Variants in RIMS1 observed in about 807,000 individuals in gnomAD.
RIMS1 encodes the protein regulating synaptic membrane exocytosis protein 1.
A neutral mutation model predicts 214.1 loss-of-function variants in RIMS1; 83 were observed. The observed-to-expected ratio is 0.39, with a 90% CI of 0.32 to 0.47. The LOEUF (loss-of-function observed/expected upper bound fraction) is 0.47, where lower values mean the gene tolerates loss of function less well. RIMS1 is among the 20% of genes least tolerant of loss of function. RIMS1 has a pLI of 0.99. For synonymous variants in RIMS1, 793 were observed against 786.8 expected, an observed-to-expected ratio of 1.01 and a Z score of -0.13; for missense variants, 2,050 against 2,161.8, an observed-to-expected ratio of 0.95 and a Z score of 1.03.
At chr6:71,918,059 G>A (rs1390828005) in intron 1 of RIMS1, among the ~76,000 whole-genome samples, 1 of 152,150 alleles carries the variant, frequency 6.6e-6, no homozygotes, top group Non-Finnish European at 1.5e-5. Context: ...TTCAAGTTGG[G>A]GAGTTTAGGG....
chr6:72,358,139 T>C (rs980384944), intron 29 of RIMS1, among the ~76,000 whole-genome samples: 14 of 146,942 alleles, frequency 9.5e-5, no homozygotes, highest in Non-Finnish European at 3.1e-5. Context: ...TCCCTTTTGC[T>C]GCTCATAGAA....
At position 72,348,231 on chromosome 6, in the gene RIMS1, C is replaced by T. The variant is rs985562691; in HGVS notation, c.4366+14396C>T. On this transcript the variant is annotated intron_variant, in intron 29 of 33. Transcript: ENST00000521978. ...CTCTTAAACAATGCAGTTTGAGCTTCGCAGGCCCGCTTATACACAAATTTT... is the reference window on the plus strand; with the variant it reads ...CTCTTAAACAATGCAGTTTGAGCTTTGCAGGCCCGCTTATACACAAATTTT... Among the ~76,000 whole-genome samples the T allele has an allele frequency of 1.6e-4, 24 of 151,828 alleles. No individual in the cohort carries two copies. The East Asian group carries it at 2.3e-3, about 15-fold the overall frequency.
chr6:72,258,133 A>G lies in RIMS1; in HGVS notation c.2779A>G (p.Arg927Gly), dbSNP rs746561456. ...GTGTGTACTTTTGCCAGTAGGCTAT[A>G]GGTCTAGTGCTAGAGAAAGTAAATC... ...GIGVVPPVGY[R>G]SSARESKSTT... The change falls in exon 17 of 34, where the codon AGG (arginine) becomes GGG (glycine). Residue 927 changes from arginine (R) to glycine (G), a missense_variant. By Grantham distance (125) the Arg-to-Gly change is moderately radical (BLOSUM62 -2). Around this residue, in one of 6 missense-constraint regions of RIMS1, gnomAD observed 889 missense variants for 885.5 expected, o/e 1.00. Transcript: ENST00000521978. The G allele has an allele frequency of 1.1e-5, 18 of 1,612,448 alleles. No individual in the cohort carries two copies. Among genetic ancestry groups the G allele is most frequent in the Non-Finnish European group, 1.5e-5 (18 of 1,179,074 alleles).
chr6:72,275,554 T>G (rs1057185169), intron 23 of RIMS1, among the ~76,000 whole-genome samples: 1 of 152,112 alleles, frequency 6.6e-6, no homozygotes, highest in Admixed American at 6.6e-5. Flanking sequence ...TATGAAGGTT[T>G]CAGGAACATT....
intron 6 of RIMS1, among the ~76,000 whole-genome samples, chr6:72,214,640 A>G (rs1220952864): frequency 6.6e-6 from 1 of 152,208 alleles, no homozygotes; most frequent in African/African-American, 2.4e-5. Flanking sequence ...CTCAAAACTC[A>G]AGCACAACAA....
chr6:72,010,714 A>G (rs576699715), intron 2 of RIMS1, among the ~76,000 whole-genome samples: 151 of 152,324 alleles, frequency 9.9e-4, no homozygotes, highest in African/African-American at 3.4e-3. Flanking sequence ...ATCATGAGTG[A>G]ACTCCCATTC....
At chr6:72,275,668 G>T (rs577648524) in intron 23 of RIMS1, among the ~76,000 whole-genome samples, 4 of 152,082 alleles carry the variant, frequency 2.6e-5, no homozygotes, top group Non-Finnish European at 4.4e-5. Context: ...TTCTAGGATA[G>T]AAATTCTGGG....
intron 1 of RIMS1, among the ~76,000 whole-genome samples, chr6:71,934,350 G>A (rs1316809150): frequency 2.6e-5 from 4 of 152,118 alleles, no homozygotes; most frequent in East Asian, 1.9e-4. Context: ...TATAGGTTGC[G>A]ATGAATCACA....
At chr6:72,005,347 G>A (rs532922586) in intron 2 of RIMS1, among the ~76,000 whole-genome samples, 12 of 152,058 alleles carry the variant, frequency 7.9e-5, no homozygotes, top group East Asian at 7.8e-4. Flanking sequence ...TTGACTTGGC[G>A]ATGCGGGCTC....
At chr6:72,295,441 A>G (rs1203750819) in intron 26 of RIMS1, among the ~76,000 whole-genome samples, 1 of 151,828 alleles carries the variant, frequency 6.6e-6, no homozygotes, top group Non-Finnish European at 1.5e-5. Context: ...TAAAAATGGA[A>G]TTTATTTTTT....
intron 29 of RIMS1, among the ~76,000 whole-genome samples, chr6:72,354,584 C>T (rs2097567616): frequency 1.3e-5 from 2 of 152,162 alleles, no homozygotes; most frequent in African/African-American, 4.8e-5. Context: ...GCTCTGTATG[C>T]TATGCCCAGT....
chr6:72,122,897 A>G (rs1264500039), intron 4 of RIMS1, among the ~76,000 whole-genome samples: 1 of 151,416 alleles, frequency 6.6e-6, no homozygotes, highest in African/African-American at 2.4e-5. Context: ...CTAGTGGTCT[A>G]TTTTGTTGAT....
intron 22 of RIMS1, among the ~76,000 whole-genome samples, chr6:72,273,727 A>G (rs2084683828): frequency 6.6e-6 from 1 of 152,198 alleles, no homozygotes; most frequent in Non-Finnish European, 1.5e-5. Context: ...TCGTTTACTT[A>G]CAGCTTTTAA....
intron 2 of RIMS1, among the ~76,000 whole-genome samples, chr6:71,991,235 G>T (rs983541060): frequency 6.6e-6 from 1 of 151,290 alleles, no homozygotes; most frequent in Non-Finnish European, 1.5e-5. Flanking sequence ...ATTGCCTCTG[G>T]ACTATATGAA....
chr6:71,916,728 T>G (rs1398216416), intron 1 of RIMS1, among the ~76,000 whole-genome samples: 1 of 152,180 alleles, frequency 6.6e-6, no homozygotes, highest in Non-Finnish European at 1.5e-5. Flanking sequence ...AATTTTATCT[T>G]AAAGACTTGA....
chr6:72,166,553 G>C (rs935159205), intron 4 of RIMS1, among the ~76,000 whole-genome samples: 1 of 151,808 alleles, frequency 6.6e-6, no homozygotes, highest in Non-Finnish European at 1.5e-5. Flanking sequence ...GGTTTTTTGG[G>C]TATTTACAAA....
chr6:72,285,209 G>A (rs2091878846), intron 24 of RIMS1, among the ~76,000 whole-genome samples: 1 of 152,122 alleles, frequency 6.6e-6, no homozygotes, highest in Non-Finnish European at 1.5e-5. Context: ...AACATGGGAG[G>A]CAGAGGATCA....
chr6:72,148,458 C>T (rs1475796542), intron 4 of RIMS1, among the ~76,000 whole-genome samples: 1 of 152,152 alleles, frequency 6.6e-6, no homozygotes, highest in African/African-American at 2.4e-5. Context: ...CAGTGCCATC[C>T]ATGGGTGCCA....
intron 2 of RIMS1, among the ~76,000 whole-genome samples, chr6:72,088,208 A>ATTTAC (rs1218106727): frequency 1.4e-5 from 2 of 146,176 alleles, no homozygotes; most frequent in Non-Finnish European, 3.0e-5. Flanking sequence ...TTTTTATTTT[A>ATTTAC]TTTATTTACT....
Sources: allele counts gnomAD v4.1 joint callset (sites outside exome capture counted in the v4.1 genomes callset), GRCh38; gene constraint gnomAD v4.1.1; regional missense constraint gnomAD v4.1.1; transcripts MANE v1.5; gene names NCBI Gene and HGNC (gene_info 2026-07-23, HGNC 2026-07-21).